ATN1: variants seen among roughly 807,000 people sequenced by gnomAD.
ATN1 encodes atrophin-1.
Under a neutral mutation model 85.8 loss-of-function variants are expected in ATN1, and 19 were observed. That is an observed-to-expected ratio of 0.22 (90% CI 0.15 to 0.32). The LOEUF (loss-of-function observed/expected upper bound fraction) is 0.32, where lower values mean the gene tolerates loss of function less well. Among genes scored for constraint, ATN1 ranks in the 10% least tolerant of loss-of-function variants. The probability of loss-of-function intolerance (pLI) is 1.00; values close to 1 mark genes in which losing one functional copy is unlikely to be tolerated. For missense variants in ATN1, 1,453 were observed against 1,564.5 expected, an observed-to-expected ratio of 0.93 and a Z score of 1.20; for synonymous variants, 674 against 657.0, an observed-to-expected ratio of 1.03 and a Z score of -0.39.
Position 6,937,586 on chromosome 12 carries a change from TG to T in ATN1, c.2294+28del. ...GGTGAGCGGCCAGGTGGGGCGGAGG[TG>T]GGCCTGGAAAGGGGACGACGACAAG... On this transcript the variant is annotated intron_variant, in intron 5 of 9. Transcript: ENST00000396684. This position sits in a 1 kb window ranked among gnomAD's most constrained non-coding sequence, Gnocchi z 6.0. 6.8e-7 allele frequency: 1 copy of T among 1,468,864 alleles called. No individual in the cohort carries two copies. The allele number at this position is 1,468,864 out of a possible 1,614,324, so 91.0% of individuals were successfully genotyped here.
At chr12:6,929,771 T>TTC (rs1945438559) in intron 1 of ATN1, among the ~76,000 whole-genome samples, 1 of 152,248 alleles carries the variant, frequency 6.6e-6, no homozygotes, top group South Asian at 2.1e-4. Flanking sequence ...ATGAAAACGC[T>TTC]TCTGTTCAGG....
At position 6,941,742 on chromosome 12, in the gene ATN1, C is replaced by T. The variant is rs1555144700; in HGVS notation, c.3540-5C>T. The T allele has an allele frequency of 1.9e-6, 3 of 1,613,918 alleles. No individual in the cohort carries two copies. Among genetic ancestry groups the T allele is most frequent in the Non-Finnish European group, 2.5e-6 (3 of 1,179,798 alleles). On this transcript the variant is annotated splice_region_variant and splice_polypyrimidine_tract_variant and intron_variant, in intron 9 of 9. Coordinates refer to ENST00000396684, the MANE Select transcript of ATN1 (RefSeq NM_001940.4). The surrounding 1 kb of genome is among the most constrained non-coding windows in gnomAD (Gnocchi z 5.9). ...CCTCTCTGCTATGCACTGCCCCTTC[C>T]CTAGTCACCTGAAGAAGGAAAGCGA... is the stretch of plus-strand genomic sequence containing the variant.
rs1261312123 is a variant in ATN1 at position 6,937,708 on chromosome 12, G to C, written c.2295-137G>C. ...CTCCTCCGTCCAGGCCTAGTGGCCAGTGAGGCCCGCAGCAGCTCACAGCCT... is the reference window on the plus strand; with the variant it reads ...CTCCTCCGTCCAGGCCTAGTGGCCACTGAGGCCCGCAGCAGCTCACAGCCT... On this transcript the variant is annotated intron_variant, in intron 5 of 9. Transcript: ENST00000396684. The surrounding 1 kb of genome is among the most constrained non-coding windows in gnomAD (Gnocchi z 6.0). 2 of 1,442,350 alleles carry C rather than the reference G, an allele frequency of 1.4e-6. No individual in the cohort carries two copies. Among genetic ancestry groups the C allele is most frequent in the Non-Finnish European group, 1.8e-6 (2 of 1,100,368 alleles). 89.3% of individuals were successfully genotyped at this position (1,442,350 alleles called of 1,614,324 possible).
At chr12:6,938,233 C>G (rs1945580429) in intron 6 of ATN1, among the ~76,000 whole-genome samples, 166 bp downstream of exon 6, 1 of 152,142 alleles carries the variant, frequency 6.6e-6, no homozygotes, top group Non-Finnish European at 1.5e-5. Context: ...AAATGGAGCC[C>G]AAAAGGTTTT....
chr12:6,939,413 C>T (rs1234983908), intron 7 of ATN1, among the ~76,000 whole-genome samples: 1 of 152,248 alleles, frequency 6.6e-6, no homozygotes, highest in Non-Finnish European at 1.5e-5. Flanking sequence ...GTCTAGTATC[C>T]TTCCCATGAC....
At position 6,935,786 on chromosome 12, in the gene ATN1, C is replaced by G; in HGVS notation, c.519C>G (p.Asp173Glu). The G allele has an allele frequency of 6.2e-7, 1 of 1,613,892 alleles. No homozygotes were observed. Among genetic ancestry groups the G allele is most frequent in the Non-Finnish European group, 8.5e-7 (1 of 1,179,858 alleles). Reference protein sequence around the residue: ...PLFPPSPQPPDSTPRQPEASF... With the variant: ...PLFPPSPQPPESTPRQPEASF... ...TTCCTCCTTCCCCTCAACCGCCAGA[C>G]AGCACCCCTCGACAGCCAGAGGCTA... Residue 173 changes from aspartate (D) to glutamate (E), a missense_variant, in exon 5 of 10, where the codon GAC (aspartate) becomes GAG (glutamate). Physicochemically the swap from Asp to Glu is conservative, Grantham distance 45 (BLOSUM62 2). This residue lies in a region of ATN1 where 990 missense variants were observed against 914.8 expected (regional missense o/e 1.08). Coordinates refer to ENST00000396684, the MANE Select transcript of ATN1 (RefSeq NM_001940.4). The surrounding 1 kb of genome is among the most constrained non-coding windows in gnomAD (Gnocchi z 5.3).
chr12:6,926,777 A>T (rs1363512048), upstream of ATN1, among the ~76,000 whole-genome samples: 1 of 151,462 alleles, frequency 6.6e-6, no homozygotes, highest in Admixed American at 6.6e-5. Flanking sequence ...CCCCATCTCC[A>T]TTTTCTTTTC....
Position 6,937,127 on chromosome 12 carries a change from C to T in ATN1, c.1860C>T (p.Thr620=), listed in dbSNP as rs199903899. ...CTACCCTTTCCACGGTCATTGCCAC[C>T]GTGGCTTCCTCGCCAGCAGGCTACA... ...SSATLSTVIA[T]VASSPAGYKT... Residue 620 remains threonine, a synonymous_variant, in exon 5 of 10, where the codon ACC becomes ACT. Coordinates refer to ENST00000396684, the MANE Select transcript of ATN1 (RefSeq NM_001940.4). The surrounding 1 kb of genome is among the most constrained non-coding windows in gnomAD (Gnocchi z 6.0). 281 of 1,611,746 alleles carry T rather than the reference C, an allele frequency of 1.7e-4. No homozygotes were observed. Among genetic ancestry groups the T allele is most frequent in the Middle Eastern group, 8.2e-4 (5 of 6,062 alleles).
upstream of ATN1, among the ~76,000 whole-genome samples, chr12:6,926,289 A>T (rs1945398106): frequency 1.3e-5 from 2 of 151,936 alleles, no homozygotes; most frequent in South Asian, 4.1e-4. Context: ...GACCCAGGGG[A>T]TCTTTAGTGA....
Position 6,935,534 on chromosome 12 carries a change from C to A in ATN1, c.280-13C>A, listed in dbSNP as rs782814715. 6.2e-7 allele frequency: 1 copy of A among 1,603,102 alleles called. No individual in the cohort carries two copies. The highest frequency in any genetic ancestry group is 8.5e-7 in the Non-Finnish European group (1 of 1,173,028). Reference sequence around the variant, plus strand: ...AAGGAAAAGAGAAAAAATGAGTCTTCCCTTTTCTACAGCAGGAACTCCCTC... The same window carrying A: ...AAGGAAAAGAGAAAAAATGAGTCTTACCTTTTCTACAGCAGGAACTCCCTC... On this transcript the variant is annotated splice_polypyrimidine_tract_variant and intron_variant, in intron 4 of 9. Coordinates refer to ENST00000396684, the MANE Select transcript of ATN1 (RefSeq NM_001940.4). This position sits in a 1 kb window ranked among gnomAD's most constrained non-coding sequence, Gnocchi z 5.3.
rs1555144148 is a variant in ATN1 at position 6,938,052 on chromosome 12, G to A, written c.2502G>A (p.Glu834=). 3 of 1,545,778 alleles carry A rather than the reference G, an allele frequency of 1.9e-6. No individual in the cohort carries two copies. The highest frequency in any genetic ancestry group is 2.4e-5 in the South Asian group (2 of 83,886). Reference sequence around the variant, plus strand: ...AGCGCGAGCGCGAGAAGGAGCGCGAGCTTGAACGCAGCGTGGTGAGTGCGT... The same window carrying A: ...AGCGCGAGCGCGAGAAGGAGCGCGAACTTGAACGCAGCGTGGTGAGTGCGT... The part of the protein sequence containing the change: ...EKEREREKER[E]LERSVKLAQE... The change falls in exon 6 of 10, where the codon GAG becomes GAA. Residue 834 remains glutamate, a synonymous_variant. Coordinates refer to ENST00000396684, the MANE Select transcript of ATN1 (RefSeq NM_001940.4).
At chr12:6,926,916 T>C (rs1479742665), upstream of ATN1, among the ~76,000 whole-genome samples, 1 of 152,042 alleles carries the variant, frequency 6.6e-6, no homozygotes, top group Non-Finnish European at 1.5e-5. Context: ...TCGGCTCTAC[T>C]GGGAGCCCCC....
Position 6,937,727 on chromosome 12 carries a change from A to C in ATN1, c.2295-118A>C. On this transcript the variant is annotated intron_variant, in intron 5 of 9. Coordinates refer to ENST00000396684, the MANE Select transcript of ATN1 (RefSeq NM_001940.4). This position sits in a 1 kb window ranked among gnomAD's most constrained non-coding sequence, Gnocchi z 6.0. ...TGGCCAGTGAGGCCCGCAGCAGCTC[A>C]CAGCCTGCAGGGGTGGTTTTGAGGC... 2 of 1,449,840 alleles carry C rather than the reference A, an allele frequency of 1.4e-6. No individual in the cohort carries two copies. Among genetic ancestry groups the C allele is most frequent in the Non-Finnish European group, 9.1e-7 (1 of 1,104,644 alleles). 89.8% of individuals were successfully genotyped at this position (1,449,840 alleles called of 1,614,324 possible).
At position 6,937,508 on chromosome 12, in the gene ATN1, C is replaced by T. The variant is rs1408956798; in HGVS notation, c.2241C>T (p.Pro747=). The change falls in exon 5 of 10, where the codon CCC becomes CCT. Residue 747 remains proline, a synonymous_variant. Coordinates refer to ENST00000396684, the MANE Select transcript of ATN1 (RefSeq NM_001940.4). The surrounding 1 kb of genome is among the most constrained non-coding windows in gnomAD (Gnocchi z 6.0). ...PESPVPPARS[P]SPPPKVVDVP... is the part of the protein sequence containing the mutation. ...GCCCGGTGCCCCCAGCCCGCAGCCC[C>T]TCGCCCCCTCCCAAGGTGGTAGATG... The T allele has an allele frequency of 2.6e-6, 4 of 1,542,814 alleles. No homozygotes were observed. The highest frequency in any genetic ancestry group is 1.4e-5 in the African/African-American group (1 of 72,512).
upstream of ATN1, among the ~76,000 whole-genome samples, chr12:6,927,542 G>A (rs1043369173): frequency 7.0e-6 from 1 of 142,590 alleles, no homozygotes; most frequent in Non-Finnish European, 1.5e-5. Context: ...CCTCTCCCGC[G>A]CCGGGCCCGC....
chr12:6,935,541 C>G lies in ATN1; in HGVS notation c.280-6C>G. The G allele has an allele frequency of 5.6e-6, 9 of 1,606,582 alleles. No homozygotes were observed. Among genetic ancestry groups the G allele is most frequent in the Non-Finnish European group, 6.8e-6 (8 of 1,174,588 alleles). On this transcript the variant is annotated splice_region_variant and splice_polypyrimidine_tract_variant and intron_variant, in intron 4 of 9. Transcript: ENST00000396684. The surrounding 1 kb of genome is among the most constrained non-coding windows in gnomAD (Gnocchi z 5.3). ...AGAGAAAAAATGAGTCTTCCCTTTT[C>G]TACAGCAGGAACTCCCTCGGCCACA...
rs782731596 is a variant in ATN1, at chr12:6,936,561, C to T, written c.1294C>T (p.Leu432Phe). ...NQPPKYTQPS[L>F]PSQAVWSQGP... is the part of the protein sequence containing the mutation. ...GCCCCCCAAGTATACTCAGCCTTCT[C>T]TCCCATCCCAGGCTGTGTGGAGCCA... is the stretch of plus-strand genomic sequence containing the variant. The change falls in exon 5 of 10, where the codon CTC becomes TTC. Residue 432 changes from leucine to phenylalanine, a missense_variant. Transcript: ENST00000396684. The T allele has an allele frequency of 6.2e-7, 1 of 1,611,326 alleles. No individual in the cohort carries two copies. Among genetic ancestry groups the T allele is most frequent in the Non-Finnish European group, 8.5e-7 (1 of 1,179,612 alleles).
In ATN1 at chr12:6,938,216, G is replaced by C. The variant is rs1555144184; in HGVS notation, c.2517+149G>C. 3.0e-5 allele frequency: 42 copies of C among 1,420,010 alleles called. No individual in the cohort carries two copies. In the South Asian group the frequency reaches 5.7e-4, roughly 19 times the overall value. 88.0% of individuals were successfully genotyped at this position (1,420,010 alleles called of 1,614,324 possible). Reference sequence around the variant, plus strand: ...CTGTCGGAGGGGAGGTACCACTGCAGCCCAGGAAATGGAGCCCAAAAGGTT... The same window carrying C: ...CTGTCGGAGGGGAGGTACCACTGCACCCCAGGAAATGGAGCCCAAAAGGTT... On this transcript the variant is annotated intron_variant, in intron 6 of 9. Transcript: ENST00000396684.
chr12:6,930,409 C>T (rs781942564), intron 1 of ATN1, among the ~76,000 whole-genome samples: 16 of 152,206 alleles, frequency 1.1e-4, no homozygotes, highest in Non-Finnish European at 1.5e-4. Flanking sequence ...CCATATTTCT[C>T]TCTTAATTTC....
Sources: gnomAD v4.1 joint callset for allele counts (sites outside exome capture counted in the v4.1 genomes callset) on GRCh38, gnomAD v4.1.1 for gene constraint, gnomAD v4.1.1 regional missense constraint, Gnocchi (gnomAD v3.1) non-coding constraint, MANE v1.5 for transcripts, NCBI Gene and HGNC (gene_info 2026-07-23, HGNC 2026-07-21) for gene names.